TMPRSS2: variants seen among roughly 807,000 people sequenced by gnomAD.
TMPRSS2 encodes transmembrane serine protease 2.
A neutral mutation model predicts 67.4 loss-of-function variants in TMPRSS2; 59 were observed. The ratio of observed to expected loss-of-function variants is 0.88; its 90% CI spans 0.71 to 1.09. The LOEUF is 1.09. Among genes scored for constraint, TMPRSS2 ranks in the 50% least tolerant of loss-of-function variants. The probability of loss-of-function intolerance (pLI) is 0.00; values close to 1 mark genes in which losing one functional copy is unlikely to be tolerated. For synonymous variants in TMPRSS2, 257 were observed against 257.0 expected (o/e 1.00, Z 0.00); for missense variants, 668 against 642.7 (o/e 1.04, Z -0.43).
intron 5 of TMPRSS2, among the ~76,000 whole-genome samples, 175 bp from the exon 6 acceptor site, chr21:41,480,777 T>A (rs1158483334): frequency 1.3e-5 from 2 of 152,174 alleles, no homozygotes; most frequent in Non-Finnish European, 2.9e-5. Context: ...TAGCTGGGAT[T>A]ACAGGCGTCC....
intron 12 of TMPRSS2, chr21:41,468,097 G>A (rs1170318595): frequency 4.8e-6 from 3 of 623,570 alleles, no homozygotes; most frequent in Non-Finnish European, 8.3e-6. Flanking sequence ...ATCTGTTCAA[G>A]CTAAAAGTTA....
At chr21:41,475,322 T>A (rs1174663152) in intron 8 of TMPRSS2, among the ~76,000 whole-genome samples, 1 of 6,790 alleles carries the variant, frequency 1.5e-4, no homozygotes, top group Non-Finnish European at 2.3e-4. Flanking sequence ...GGTGAGGGGG[T>A]GAGTGAGGAG....
intron 11 of TMPRSS2, among the ~76,000 whole-genome samples, chr21:41,469,985 G>C (rs1195600339): frequency 6.6e-6 from 1 of 152,110 alleles, no homozygotes; most frequent in African/African-American, 2.4e-5. Context: ...TACCTTCCCT[G>C]ACGCTCCCCA....
intron 1 of TMPRSS2, among the ~76,000 whole-genome samples, chr21:41,498,994 A>T (rs901548991): frequency 1.3e-5 from 2 of 152,122 alleles, no homozygotes; most frequent in African/African-American, 4.8e-5. Context: ...CACTGCCAGT[A>T]GCCACCCACT....
intron 11 of TMPRSS2, among the ~76,000 whole-genome samples, chr21:41,469,683 G>A (rs2070792): frequency 0.34 from 51,677 of 151,726 alleles, 9,345 homozygotes; most frequent in African/African-American, 0.45. Flanking sequence ...ACCCTCAGAT[G>A]TTTGGAAGTA....
At position 41,480,615 on chromosome 21, in the gene TMPRSS2, G is replaced by A. The variant is rs2146452344; in HGVS notation, c.446-13C>T. On this transcript the variant is annotated splice_polypyrimidine_tract_variant and intron_variant, in intron 5 of 13. Coordinates refer to ENST00000332149, the MANE Select transcript of TMPRSS2 (RefSeq NM_005656.4). ...CCGTAGAGGCGAACTGCACGAGAGG[G>A]AGGATTATCCATGAGTTTCTTTCTT... 1 of 1,613,432 alleles carries A rather than the reference G, an allele frequency of 6.2e-7. No homozygotes were observed. Among genetic ancestry groups the A allele is most frequent in the Non-Finnish European group, 8.5e-7 (1 of 1,179,968 alleles).
At chr21:41,507,994 G>A (rs2146521087) in intron 1 of TMPRSS2, 87 bp downstream of exon 1, 1 of 1,399,898 alleles carries the variant, frequency 7.1e-7, no homozygotes, top group Non-Finnish European at 9.2e-7. Context: ...TCCGGGCGGG[G>A]CAGGGGGCAT....
chr21:41,464,648 T>G lies in TMPRSS2; in HGVS notation c.*1494A>C, dbSNP rs948202058. The G allele has an allele frequency of 4.3e-6, 1 of 233,184 alleles. No individual in the cohort carries two copies. Among genetic ancestry groups the G allele is most frequent in the Non-Finnish European group, 8.5e-6 (1 of 117,966 alleles). 14.4% of individuals were successfully genotyped at this position (233,184 alleles called of 1,614,324 possible). On this transcript the variant is annotated 3_prime_UTR_variant, in exon 14 of 14. Coordinates refer to ENST00000332149, the MANE Select transcript of TMPRSS2 (RefSeq NM_005656.4). ...AAAGATACAAAAAAAGACAAACAGT[T>G]GTTCACATAAATAAGAAGGGGCAAT... is the stretch of plus-strand genomic sequence containing the variant.
At chr21:41,472,002 A>T (rs368707237) in intron 9 of TMPRSS2, 21 bp from the exon 10 acceptor site, 2 of 1,571,878 alleles carry the variant, frequency 1.3e-6, no homozygotes, top group Non-Finnish European at 1.7e-6. Flanking sequence ...AGAAGGACTC[A>T]GTATCTCAGA....
chr21:41,478,941 G>A lies in TMPRSS2; in HGVS notation c.683+231C>T, dbSNP rs1031756265. Among the ~76,000 whole-genome samples the A allele has an allele frequency of 1.3e-5, 2 of 152,238 alleles. No individual in the cohort carries two copies. The highest frequency in any genetic ancestry group is 4.8e-5 in the African/African-American group (2 of 41,454). On this transcript the variant is annotated intron_variant, in intron 7 of 13. Transcript: ENST00000332149. The surrounding 1 kb of genome is among the most constrained non-coding windows in gnomAD (Gnocchi z 4.0). ...GTGTGAGCCGCTACCAACAAGGGCA[G>A]ACGGTAGAGGCTGAAAATGAAATAG...
rs2091075956 is a variant in TMPRSS2, at chr21:41,465,462, G to T, written c.*680C>A. 1 of 233,424 alleles carries T rather than the reference G, an allele frequency of 4.3e-6. No homozygotes were observed. The highest frequency in any genetic ancestry group is 5.6e-5 in the Admixed American group (1 of 17,784). 14.5% of individuals were successfully genotyped at this position (233,424 alleles called of 1,614,324 possible). On this transcript the variant is annotated 3_prime_UTR_variant, in exon 14 of 14. Coordinates refer to ENST00000332149, the MANE Select transcript of TMPRSS2 (RefSeq NM_005656.4). Reference sequence around the variant, plus strand: ...CCCAGGAGCCCCACCCAATGTGCAGGTGGAGACCTGCACCAGGAGTGCTCA... The same window carrying T: ...CCCAGGAGCCCCACCCAATGTGCAGTTGGAGACCTGCACCAGGAGTGCTCA...
At chr21:41,485,574 A>G (rs926228097) in intron 5 of TMPRSS2, among the ~76,000 whole-genome samples, 1 of 151,678 alleles carries the variant, frequency 6.6e-6, no homozygotes, top group Non-Finnish European at 1.5e-5. Context: ...GCTTAACCCC[A>G]GGACATCGAA....
rs999889874 is a variant in TMPRSS2, at chr21:41,466,069, A to G, written c.*73T>C. ...ACCTCTGAATCATCTCTAAGAGTAA[A>G]TCATGCACGGGGAAGCAAAACCAGC... On this transcript the variant is annotated 3_prime_UTR_variant, in exon 14 of 14. Coordinates refer to ENST00000332149, the MANE Select transcript of TMPRSS2 (RefSeq NM_005656.4). 2.0e-5 allele frequency: 31 copies of G among 1,556,210 alleles called. No homozygotes were observed. Among genetic ancestry groups the G allele is most frequent in the Non-Finnish European group, 2.7e-5 (30 of 1,131,636 alleles).
chr21:41,467,987 T>G (rs2091098885), intron 12 of TMPRSS2, 101 bp from the exon 13 acceptor site: 1 of 1,345,812 alleles, frequency 7.4e-7, no homozygotes, highest in African/African-American at 1.4e-5. Context: ...GGTCGCAGTG[T>G]GAGTTACGAG....
At chr21:41,475,272 G>GC (rs2091194284) in intron 8 of TMPRSS2, among the ~76,000 whole-genome samples, 1 of 11,716 alleles carries the variant, frequency 8.5e-5, no homozygotes, top group Non-Finnish European at 1.6e-4. Flanking sequence ...GTGAGTGAGG[G>GC]GTGAAGGGAT....
intron 2 of TMPRSS2, among the ~76,000 whole-genome samples, chr21:41,496,629 C>T (rs1390420244): frequency 2.0e-5 from 3 of 151,954 alleles, no homozygotes; most frequent in Admixed American, 6.6e-5. Context: ...ATTGCCTTCC[C>T]GAGACCTACC....
intron 10 of TMPRSS2, 76 bp downstream of exon 10, chr21:41,471,730 T>C (rs2146427505): frequency 6.7e-7 from 1 of 1,490,880 alleles, no homozygotes; most frequent in East Asian, 2.3e-5. Flanking sequence ...CCATTTGGCA[T>C]AGCACAAGTG....
rs2091073271 is a variant in TMPRSS2 at position 41,464,995 on chromosome 21, G to A, written c.*1147C>T. ...GTTGGAAACCCACAGCATTGGAAGG[G>A]ACCACAGAGAGTCCAAAACAAAACA... is the stretch of plus-strand genomic sequence containing the variant. On this transcript the variant is annotated 3_prime_UTR_variant, in exon 14 of 14. Transcript: ENST00000332149. 1 of 233,158 alleles carries A rather than the reference G, an allele frequency of 4.3e-6. No homozygotes were observed. Among genetic ancestry groups the A allele is most frequent in the East Asian group, 6.0e-5 (1 of 16,598 alleles). 14.4% of individuals were successfully genotyped at this position (233,158 alleles called of 1,614,324 possible). A position where few individuals can be genotyped will look rare whatever the true frequency, so the allele number is the denominator to read the frequency against.
chr21:41,488,448 T>C lies in TMPRSS2; in HGVS notation c.391A>G (p.Asn131Asp). ...DSSGTCINPS[N>D]WCDGVSHCPG... ...CAGTGTGACACGCCATCACACCAGTTAGAGGGGTTGATGCAGGTACCTGAG... is the reference window on the plus strand; with the variant it reads ...CAGTGTGACACGCCATCACACCAGTCAGAGGGGTTGATGCAGGTACCTGAG... Residue 131 changes from asparagine to aspartate, a missense_variant, in exon 5 of 14, where the codon AAC becomes GAC. Asn to Asp is a conservative substitution (Grantham distance 23). Coordinates refer to ENST00000332149, the MANE Select transcript of TMPRSS2 (RefSeq NM_005656.4). 6.2e-7 allele frequency: 1 copy of C among 1,613,898 alleles called. No individual in the cohort carries two copies.
Sources: gnomAD v4.1 joint callset for allele counts (sites outside exome capture counted in the v4.1 genomes callset) on GRCh38, gnomAD v4.1.1 for gene constraint, Gnocchi (gnomAD v3.1) non-coding constraint, MANE v1.5 for transcripts, NCBI Gene and HGNC (gene_info 2026-07-23, HGNC 2026-07-21) for gene names.